RBFOX1: variants seen among roughly 807,000 people sequenced by gnomAD.
RBFOX1 encodes the protein RNA binding protein fox-1 homolog 1.
RBFOX1 carries 8 observed loss-of-function variants against 57.7 expected under a neutral mutation model. The ratio of observed to expected loss-of-function variants is 0.14; its 90% confidence interval spans 0.08 to 0.25. The LOEUF is 0.25. Ranked by LOEUF, RBFOX1 falls within the 10% of genes least tolerant of loss-of-function variation. The pLI, the probability that RBFOX1 is intolerant of heterozygous loss-of-function variation, is 1.00. For synonymous variants in RBFOX1, 326 were observed against 222.4 expected, an observed-to-expected ratio of 1.47 and a Z score of -4.15; for missense variants, 611 against 548.5, an observed-to-expected ratio of 1.11 and a Z score of -1.14.
chr16:5,240,359 A>G (rs1023580155), intron 1 of RBFOX1, among the ~76,000 whole-genome samples: 81 of 151,770 alleles, frequency 5.3e-4, no homozygotes, highest in Non-Finnish European at 9.4e-4. Context: ...CTCTGCGGCT[A>G]GCCAAAAGGG....
chr16:5,314,255 C>A (rs967321991), intron 1 of RBFOX1, among the ~76,000 whole-genome samples: 7 of 152,198 alleles, frequency 4.6e-5, no homozygotes, highest in African/African-American at 1.7e-4. Context: ...GCATGTATTG[C>A]AGACCCAACA....
At chr16:7,094,469 C>G (rs893292690) in intron 4 of RBFOX1, among the ~76,000 whole-genome samples, 4 of 152,044 alleles carry the variant, frequency 2.6e-5, no homozygotes, top group African/African-American at 9.7e-5. Context: ...AATGCTATTT[C>G]AAGTGGTTCT....
intron 3 of RBFOX1, among the ~76,000 whole-genome samples, chr16:6,810,435 C>A (rs751992083): frequency 6.6e-6 from 1 of 152,110 alleles, no homozygotes; most frequent in South Asian, 2.1e-4. Context: ...AGAAGGATGA[C>A]TAAAAAGATG....
intron 1 of RBFOX1, among the ~76,000 whole-genome samples, chr16:6,064,348 A>G (rs1375530556): frequency 6.6e-6 from 1 of 152,176 alleles, no homozygotes; most frequent in East Asian, 1.9e-4. Context: ...GCATGAGTGC[A>G]AAATGTCTGC....
At chr16:7,568,946 C>G (rs1271345725) in intron 5 of RBFOX1, among the ~76,000 whole-genome samples, 2 of 148,910 alleles carry the variant, frequency 1.3e-5, no homozygotes, top group Non-Finnish European at 3.0e-5. Flanking sequence ...CCCAGTAGGT[C>G]TCAGCCTCAT....
chr16:6,193,396 A>ACAT (rs1555545391), intron 1 of RBFOX1, among the ~76,000 whole-genome samples: 1 of 31,796 alleles, frequency 3.1e-5, no homozygotes, highest in Non-Finnish European at 7.1e-5. Flanking sequence ...TATATACTAT[A>ACAT]TATATATATA....
intron 1 of RBFOX1, among the ~76,000 whole-genome samples, chr16:6,077,289 T>C (rs2095917693): frequency 6.6e-6 from 1 of 150,546 alleles, no homozygotes; most frequent in Non-Finnish European, 1.5e-5. Flanking sequence ...AGGTAGGAGC[T>C]CACATATGGA....
intron 4 of RBFOX1, among the ~76,000 whole-genome samples, chr16:7,204,069 C>T (rs1442224914): frequency 1.3e-5 from 2 of 152,250 alleles, no homozygotes; most frequent in African/African-American, 2.4e-5. Context: ...CTCCAGATTT[C>T]CATATTTAAA....
chr16:7,290,170 G>C (rs1477097662), intron 4 of RBFOX1, among the ~76,000 whole-genome samples: 1 of 152,182 alleles, frequency 6.6e-6, no homozygotes, highest in Non-Finnish European at 1.5e-5. Flanking sequence ...CAGGATAAAA[G>C]ATGCATTTTA....
chr16:5,746,423 C>G (rs558934093), intron 3 of RBFOX1, among the ~76,000 whole-genome samples: 2 of 152,286 alleles, frequency 1.3e-5, no homozygotes, highest in East Asian at 3.9e-4. Context: ...GCAATGCGGG[C>G]TCTTTTTTGG....
chr16:7,343,353 C>A (rs1385553773), intron 4 of RBFOX1, among the ~76,000 whole-genome samples: 1 of 152,102 alleles, frequency 6.6e-6, no homozygotes, highest in Admixed American at 6.6e-5. Context: ...AAGGGAGGAG[C>A]ATGGGACTCC....
chr16:5,776,313 C>T (rs2054145794), intron 3 of RBFOX1, among the ~76,000 whole-genome samples: 1 of 152,206 alleles, frequency 6.6e-6, no homozygotes. Flanking sequence ...TTCTCACAGG[C>T]CACGCTTCCA....
At chr16:7,289,444 A>G (rs1259087635) in intron 4 of RBFOX1, among the ~76,000 whole-genome samples, 4 of 152,182 alleles carry the variant, frequency 2.6e-5, no homozygotes, top group Non-Finnish European at 4.4e-5. Context: ...CATCATTACC[A>G]TCATCATCAG....
chr16:6,400,171 A>G (rs1216565342), intron 2 of RBFOX1, among the ~76,000 whole-genome samples: 1 of 152,260 alleles, frequency 6.6e-6, no homozygotes, highest in Non-Finnish European at 1.5e-5. Flanking sequence ...TCAAGTGCTC[A>G]TGAAATATCC....
At chr16:6,838,562 C>A (rs995018264) in intron 3 of RBFOX1, among the ~76,000 whole-genome samples, 1 of 152,182 alleles carries the variant, frequency 6.6e-6, no homozygotes, top group Non-Finnish European at 1.5e-5. Flanking sequence ...CACACACTGC[C>A]TATGAGGTAG....
Position 5,485,345 on chromosome 16 carries a change from CAAAAAA to C in RBFOX1, c.258+18109_258+18114del, listed in dbSNP as rs71142624. On this transcript the variant is annotated intron_variant, in intron 2 of 2. Coordinates refer to the RBFOX1 transcript ENST00000585867. Reference sequence around the variant, plus strand: ...TGGGCGACAGAGCCAGACTCCGTGTCAAAAAAAAAAAAAAAAAAAAAAAGTGAATAA... The same window carrying C: ...TGGGCGACAGAGCCAGACTCCGTGTCAAAAAAAAAAAAAAAAAGTGAATAA... 2.5e-4 allele frequency among the ~76,000 whole-genome samples: 13 copies of C among 51,668 alleles called. 1 individual carries two copies. Among genetic ancestry groups the C allele is most frequent in the East Asian group, 2.2e-3 (3 of 1,370 alleles). 33.9% of individuals were successfully genotyped at this position (51,668 alleles called of 152,430 possible).
In RBFOX1 at chr16:7,231,694, C is replaced by T. The variant is rs564601379; in HGVS notation, c.27+179596C>T. On this transcript the variant is annotated intron_variant, in intron 4 of 15. Transcript: ENST00000550418. Reference sequence around the variant, plus strand: ...AATGGATGAACAAAATGTGGTCTATCCATACAATGAAATATCATTGAGCCA... The same window carrying T: ...AATGGATGAACAAAATGTGGTCTATTCATACAATGAAATATCATTGAGCCA... 8.5e-5 allele frequency among the ~76,000 whole-genome samples: 13 copies of T among 152,250 alleles called. No homozygotes were observed. The South Asian group carries it at 2.7e-3, about 32-fold the overall frequency.
intron 3 of RBFOX1, among the ~76,000 whole-genome samples, chr16:6,966,807 C>CTGTT (rs1305749632): frequency 6.6e-6 from 1 of 151,174 alleles, no homozygotes; most frequent in Non-Finnish European, 1.5e-5. Context: ...GTCTGTCTGT[C>CTGTT]TGTCTGTCTG....
At position 7,142,389 on chromosome 16, in the gene RBFOX1, C is replaced by T. The variant is rs114883250; in HGVS notation, c.27+90291C>T. 3.2e-3 allele frequency among the ~76,000 whole-genome samples: 485 copies of T among 152,250 alleles called. 5 individuals are homozygous for T. Among genetic ancestry groups the T allele is most frequent in the African/African-American group, 0.011 (450 of 41,554 alleles). On this transcript the variant is annotated intron_variant, in intron 4 of 15. Coordinates refer to ENST00000550418, the MANE Select transcript of RBFOX1 (RefSeq NM_018723.4). ...ATGCCCGTGAAATGAGGTCCATGTC[C>T]TGAGCTTCTTGTTGATGTCATTTCG...
Sources: gnomAD v4.1 joint callset for allele counts (sites outside exome capture counted in the v4.1 genomes callset) on GRCh38, gnomAD v4.1.1 for gene constraint, MANE v1.5 for transcripts, NCBI Gene and HGNC (gene_info 2026-07-23, HGNC 2026-07-21) for gene names.